Variants in SGCD observed in about 807,000 individuals in gnomAD.
The protein encoded by SGCD is sarcoglycan delta.
Under a neutral mutation model 36.6 loss-of-function variants are expected in SGCD, and 18 were observed. That is an observed-to-expected ratio of 0.49 (90% CI 0.34 to 0.73). The LOEUF is 0.73. Ranked by LOEUF, SGCD falls within the 30% of genes least tolerant of loss-of-function variation. SGCD has a pLI of 0.01. For missense variants in SGCD, 387 were observed against 346.7 expected, an observed-to-expected ratio of 1.12 and a Z score of -0.92; for synonymous variants, 133 against 130.6, an observed-to-expected ratio of 1.02 and a Z score of -0.12.
chr5:156,487,239 C>A (rs553295104), intron 3 of SGCD, among the ~76,000 whole-genome samples: 1 of 152,260 alleles, frequency 6.6e-6, no homozygotes, highest in South Asian at 2.1e-4. Flanking sequence ...TTGCAGACAC[C>A]ATTCATTCTA....
At chr5:155,983,432 C>T (rs1433634785) in intron 1 of SGCD, among the ~76,000 whole-genome samples, 4 of 152,062 alleles carry the variant, frequency 2.6e-5, no homozygotes, top group Non-Finnish European at 5.9e-5. Flanking sequence ...CCCATGTAGC[C>T]GGGATAACAG....
the SGCD span, among the ~76,000 whole-genome samples, chr5:155,788,019 T>A: frequency 6.6e-6 from 1 of 152,296 alleles, no homozygotes; most frequent in Non-Finnish European, 1.5e-5. Context: ...CGAAGTAAAT[T>A]TTAGAAAACT....
At chr5:156,377,897 T>G (rs565877606) in intron 3 of SGCD, among the ~76,000 whole-genome samples, 1 of 152,324 alleles carries the variant, frequency 6.6e-6, no homozygotes, top group East Asian at 1.9e-4. Flanking sequence ...GTGTTTGTTA[T>G]CCATTGCTAT....
rs1274364900 is a variant in SGCD, at chr5:156,057,603, T to C, written c.-281-60275T>C. Among the ~76,000 whole-genome samples the C allele has an allele frequency of 6.1e-5, 9 of 146,516 alleles. 2 individuals carry two copies. ...AAGTCACACTTCTTGGAGGAATTTCTGACCCAGGTCTGAGGTAGAAAATGC... is the reference window on the plus strand; with the variant it reads ...AAGTCACACTTCTTGGAGGAATTTCCGACCCAGGTCTGAGGTAGAAAATGC... On this transcript the variant is annotated intron_variant, in intron 1 of 9. Transcript: ENST00000517913.
intron 6 of SGCD, among the ~76,000 whole-genome samples, chr5:156,605,996 G>T (rs1761428520): frequency 6.6e-6 from 1 of 152,168 alleles, no homozygotes; most frequent in Non-Finnish European, 1.5e-5. Flanking sequence ...TCTGTGGGTT[G>T]CCCGTTCACT....
At chr5:155,860,898 T>C in the SGCD span, among the ~76,000 whole-genome samples, 5 of 152,222 alleles carry the variant, frequency 3.3e-5, no homozygotes, top group Non-Finnish European at 5.9e-5. Context: ...TAAAGTATAA[T>C]GCAAGGTTTT....
intron 3 of SGCD, among the ~76,000 whole-genome samples, chr5:156,417,116 T>C (rs1217524679): frequency 6.6e-6 from 1 of 152,202 alleles, no homozygotes; most frequent in Non-Finnish European, 1.5e-5. Context: ...AAAATGTATT[T>C]GAGAAAACTA....
chr5:156,132,458 C>CTGTTTTTTTT (rs1762348142), intron 3 of SGCD, among the ~76,000 whole-genome samples: 1 of 51,794 alleles, frequency 1.9e-5, no homozygotes, highest in Non-Finnish European at 3.5e-5. Flanking sequence ...CTTACCAAGT[C>CTGTTTTTTTT]TTTTTTTTTT....
chr5:156,353,318 A>G (rs983820117), intron 3 of SGCD, among the ~76,000 whole-genome samples: 1 of 152,228 alleles, frequency 6.6e-6, no homozygotes, highest in Non-Finnish European at 1.5e-5. Context: ...GACTTCTAAA[A>G]TGAAGTATTA....
At chr5:156,621,950 G>A (rs1445214968) in intron 6 of SGCD, among the ~76,000 whole-genome samples, 1 of 152,126 alleles carries the variant, frequency 6.6e-6, no homozygotes. Flanking sequence ...CTGACAAATA[G>A]GCAAGTTCCC....
chr5:156,448,283 G>A (rs926160218), intron 3 of SGCD, among the ~76,000 whole-genome samples: 2 of 152,072 alleles, frequency 1.3e-5, no homozygotes, highest in African/African-American at 4.8e-5. Context: ...CAGCCCTGTG[G>A]TATACTTATT....
At chr5:156,588,840 A>G (rs1760599914) in intron 4 of SGCD, among the ~76,000 whole-genome samples, 1 of 152,208 alleles carries the variant, frequency 6.6e-6, no homozygotes, top group Non-Finnish European at 1.5e-5. Context: ...GGGTCTTTTG[A>G]AGAAAGGATG....
the SGCD span, among the ~76,000 whole-genome samples, chr5:155,738,870 C>A: frequency 2.6e-5 from 3 of 115,602 alleles, no homozygotes; most frequent in East Asian, 7.9e-4. Flanking sequence ...TGTGTGAGTG[C>A]GTGTGAGAGA....
At chr5:156,487,813 A>G (rs3074985) in intron 3 of SGCD, among the ~76,000 whole-genome samples, 33,546 of 78,058 alleles carry the variant, frequency 0.43, 8,887 homozygotes, top group African/African-American at 0.67. Context: ...AAAAAAAAAA[A>G]AAAGAAAGAA....
intron 3 of SGCD, among the ~76,000 whole-genome samples, chr5:156,489,396 C>A (rs903164885): frequency 6.6e-6 from 1 of 152,074 alleles, no homozygotes; most frequent in Non-Finnish European, 1.5e-5. Flanking sequence ...GTTTACAGAA[C>A]ATTTCATTCA....
At chr5:155,971,045 C>T (rs1757998263) in intron 1 of SGCD, among the ~76,000 whole-genome samples, 1 of 152,096 alleles carries the variant, frequency 6.6e-6, no homozygotes, top group South Asian at 2.1e-4. Context: ...AGGAGATACA[C>T]CTGTTTCATC....
the SGCD span, among the ~76,000 whole-genome samples, chr5:155,807,747 GTATT>G: frequency 6.6e-6 from 1 of 152,170 alleles, no homozygotes; most frequent in Non-Finnish European, 1.5e-5. Context: ...TGTTGCATGT[GTATT>G]TATTTGTTTG....
At chr5:155,828,678 A>G in the SGCD span, among the ~76,000 whole-genome samples, 6 of 145,914 alleles carry the variant, frequency 4.1e-5, no homozygotes, top group African/African-American at 1.5e-4. Flanking sequence ...TTTACTTTTT[A>G]TTTTTTTTTT....
At chr5:156,178,448 T>C (rs2127625596) in intron 3 of SGCD, among the ~76,000 whole-genome samples, 1 of 152,332 alleles carries the variant, frequency 6.6e-6, no homozygotes, top group East Asian at 1.9e-4. Context: ...ATAAGAATGC[T>C]CACAACAAAT....
Sources: allele counts gnomAD v4.1 joint callset (sites outside exome capture counted in the v4.1 genomes callset), GRCh38; gene constraint gnomAD v4.1.1; transcripts MANE v1.5; gene names NCBI Gene and HGNC (gene_info 2026-07-23, HGNC 2026-07-21).